The following SNTG1 variants were observed in gnomAD, a reference collection of about 807,000 sequenced individuals.
SNTG1 encodes gamma-1-syntrophin.
Under a neutral mutation model 74.7 loss-of-function variants are expected in SNTG1, and 39 were observed. The observed-to-expected ratio is 0.52, with a 90% CI of 0.40 to 0.68. SNTG1 has a LOEUF of 0.68. Ranked by LOEUF, SNTG1 falls within the 30% of genes least tolerant of loss-of-function variation. The pLI is 0.00. For synonymous variants in SNTG1, 254 were observed against 217.1 expected, an observed-to-expected ratio of 1.17 and a Z score of -1.49; for missense variants, 685 against 609.5, an observed-to-expected ratio of 1.12 and a Z score of -1.30.
At chr8:50,236,100 C>A (rs2085877155) in intron 2 of SNTG1, among the ~76,000 whole-genome samples, 1 of 152,012 alleles carries the variant, frequency 6.6e-6, no homozygotes, top group Non-Finnish European at 1.5e-5. Flanking sequence ...GAGGTTGTGC[C>A]ACTTTAAGAT....
chr8:50,038,247 C>T (rs934737930), intron 1 of SNTG1, among the ~76,000 whole-genome samples: 4 of 152,078 alleles, frequency 2.6e-5, no homozygotes, highest in South Asian at 2.1e-4. Flanking sequence ...ATAGAGCATC[C>T]AGACAAAAGG....
chr8:49,964,719 C>T (rs1383585827), intron 1 of SNTG1, among the ~76,000 whole-genome samples: 1 of 152,178 alleles, frequency 6.6e-6, no homozygotes, highest in South Asian at 2.1e-4. Context: ...CTCATTTCTA[C>T]ATTTTTATTC....
intron 15 of SNTG1, among the ~76,000 whole-genome samples, chr8:50,703,437 A>AATAACACGC (rs2095433067): frequency 1.3e-5 from 2 of 152,270 alleles, no homozygotes; most frequent in Admixed American, 1.3e-4. Context: ...CTTCAGGGGC[A>AATAACACGC]ATAACACGCA....
chr8:50,767,210 C>G (rs2095615919), intron 18 of SNTG1, among the ~76,000 whole-genome samples: 1 of 151,884 alleles, frequency 6.6e-6, no homozygotes, highest in Admixed American at 6.6e-5. Flanking sequence ...ATAACCAGAG[C>G]TTATTTAACA....
At chr8:50,183,103 G>C (rs2083265538) in intron 2 of SNTG1, among the ~76,000 whole-genome samples, 1 of 151,916 alleles carries the variant, frequency 6.6e-6, no homozygotes, top group South Asian at 2.1e-4. Flanking sequence ...TGCTTTTCCT[G>C]ATCTCCACTC....
At chr8:50,590,789 G>T in intron 12 of SNTG1, 90 bp from the exon 13 acceptor site, 2 of 743,178 alleles carry the variant, frequency 2.7e-6, no homozygotes, top group Non-Finnish European at 4.5e-6. Flanking sequence ...GTATATATTA[G>T]CTCACTAAAA....
intron 1 of SNTG1, among the ~76,000 whole-genome samples, chr8:49,965,326 C>T (rs1811044717): frequency 6.6e-6 from 1 of 152,120 alleles, no homozygotes; most frequent in African/African-American, 2.4e-5. Flanking sequence ...ATGTAATACT[C>T]CTTTTTATAT....
intron 15 of SNTG1, among the ~76,000 whole-genome samples, chr8:50,664,571 G>A (rs2095241417): frequency 6.6e-6 from 1 of 152,032 alleles, no homozygotes. Context: ...AGTGTCTATG[G>A]GAAAAAGAAG....
chr8:50,731,694 A>G (rs1305534544), intron 17 of SNTG1, among the ~76,000 whole-genome samples: 1 of 152,112 alleles, frequency 6.6e-6, no homozygotes, highest in Non-Finnish European at 1.5e-5. Flanking sequence ...TGTAAACTAC[A>G]TGCTATCAAA....
At chr8:50,156,779 C>T (rs1330999088) in intron 1 of SNTG1, among the ~76,000 whole-genome samples, 1 of 152,050 alleles carries the variant, frequency 6.6e-6, no homozygotes, top group Non-Finnish European at 1.5e-5. Context: ...AAGGCGCTGA[C>T]ATCATTATTA....
chr8:50,512,978 A>G (rs2448930), intron 9 of SNTG1, among the ~76,000 whole-genome samples: 56,541 of 152,018 alleles, frequency 0.37, 13,270 homozygotes, highest in African/African-American at 0.67. Flanking sequence ...TTCCTTTGGA[A>G]GAAGAGAGTC....
chr8:50,273,019 C>T (rs894346295), intron 2 of SNTG1, among the ~76,000 whole-genome samples: 1 of 152,016 alleles, frequency 6.6e-6, no homozygotes, highest in African/African-American at 2.4e-5. Context: ...GCTGGGATTA[C>T]AAGCACGAGC....
chr8:50,463,630 C>T (rs1430020864), intron 8 of SNTG1, among the ~76,000 whole-genome samples: 1 of 152,106 alleles, frequency 6.6e-6, no homozygotes, highest in African/African-American at 2.4e-5. Flanking sequence ...AAACAGATGT[C>T]CTGTCATCTA....
intron 4 of SNTG1, among the ~76,000 whole-genome samples, chr8:50,434,609 T>A (rs1330953977): frequency 6.6e-6 from 1 of 152,188 alleles, no homozygotes; most frequent in South Asian, 2.1e-4. Flanking sequence ...TATATCATTG[T>A]GGTTTTGATT....
intron 1 of SNTG1, among the ~76,000 whole-genome samples, chr8:50,106,732 A>T (rs2080387345): frequency 6.6e-6 from 1 of 152,168 alleles, no homozygotes; most frequent in Non-Finnish European, 1.5e-5. Context: ...CATTCTCATG[A>T]GTTTTGCAAA....
intron 13 of SNTG1, among the ~76,000 whole-genome samples, chr8:50,618,039 A>G (rs951658710): frequency 4.6e-5 from 7 of 152,178 alleles, no homozygotes; most frequent in African/African-American, 1.4e-4. Flanking sequence ...CAACTTCTCA[A>G]TTATGAATTA....
intron 2 of SNTG1, among the ~76,000 whole-genome samples, chr8:50,360,912 T>A (rs1737134515): frequency 6.6e-6 from 1 of 152,164 alleles, no homozygotes; most frequent in African/African-American, 2.4e-5. Context: ...ACTGTAGACT[T>A]TTAAATGCTG....
intron 1 of SNTG1, among the ~76,000 whole-genome samples, chr8:50,129,888 T>G (rs2131395399): frequency 6.6e-6 from 1 of 152,108 alleles, no homozygotes; most frequent in East Asian, 1.9e-4. Context: ...TCCTCTTGCC[T>G]CCACCTCCCA....
chr8:50,772,781 A>C (rs2095630497), intron 18 of SNTG1, among the ~76,000 whole-genome samples: 1 of 152,156 alleles, frequency 6.6e-6, no homozygotes. Flanking sequence ...TTCCCCCATA[A>C]ATAAATTAAT....
Sources: allele counts gnomAD v4.1 joint callset (sites outside exome capture counted in the v4.1 genomes callset), GRCh38; gene constraint gnomAD v4.1.1; transcripts MANE v1.5; gene names NCBI Gene and HGNC (gene_info 2026-07-23, HGNC 2026-07-21).